Variants in SGMS1 observed in about 807,000 individuals in gnomAD.
SGMS1 encodes sphingomyelin synthase 1.
SGMS1 carries 13 observed loss-of-function variants against 46.2 expected under a neutral mutation model. The observed-to-expected ratio is 0.28, with a 90% CI of 0.18 to 0.45. The LOEUF is 0.45. Ranked by LOEUF, SGMS1 falls within the 20% of genes least tolerant of loss-of-function variation. The pLI, the probability that SGMS1 is intolerant of heterozygous loss-of-function variation, is 1.00. For synonymous variants in SGMS1, 203 were observed against 187.8 expected (o/e 1.08, Z -0.66); for missense variants, 324 against 519.9 (o/e 0.62, Z 3.66).
chr10:50,544,119 T>C (rs532291785), intron 2 of SGMS1, among the ~76,000 whole-genome samples: 41 of 152,350 alleles, frequency 2.7e-4, no homozygotes, highest in African/African-American at 9.4e-4. Flanking sequence ...ACATAGCTTA[T>C]AGGAAGGTAA....
intron 6 of SGMS1, among the ~76,000 whole-genome samples, chr10:50,358,628 G>A (rs989413521): frequency 1.3e-5 from 2 of 152,210 alleles, no homozygotes; most frequent in Non-Finnish European, 2.9e-5. Context: ...GGCAGAGGCT[G>A]CAGTAAGCCG....
intron 1 of SGMS1, among the ~76,000 whole-genome samples, chr10:50,604,836 A>T (rs1348082065): frequency 1.6e-5 from 2 of 128,440 alleles, no homozygotes; most frequent in African/African-American, 5.8e-5. Flanking sequence ...CAAAAAAATG[A>T]CTAAAAAGAT....
intron 1 of SGMS1, among the ~76,000 whole-genome samples, chr10:50,596,026 T>C (rs1035456799): frequency 1.5e-4 from 23 of 152,198 alleles, no homozygotes; most frequent in African/African-American, 5.3e-4. Flanking sequence ...TGCTTGGCAA[T>C]GGCAAGATTA....
At chr10:50,327,392 C>G in intron 7 of SGMS1, 70 bp from the exon 8 acceptor site, 1 of 908,480 alleles carries the variant, frequency 1.1e-6, no homozygotes, top group Non-Finnish European at 1.8e-6. Flanking sequence ...TGTAATTTTT[C>G]AATGACTCAA....
At chr10:50,544,366 T>C (rs1355281282) in intron 2 of SGMS1, among the ~76,000 whole-genome samples, 1 of 152,208 alleles carries the variant, frequency 6.6e-6, no homozygotes, top group Non-Finnish European at 1.5e-5. Context: ...TCCAGAGCTC[T>C]AAACAAGGCA....
chr10:50,387,179 T>C (rs1018466144), intron 6 of SGMS1, among the ~76,000 whole-genome samples: 7 of 152,182 alleles, frequency 4.6e-5, no homozygotes, highest in Non-Finnish European at 8.8e-5. Flanking sequence ...TTAAAATGAG[T>C]TACCACACCT....
At position 50,392,300 on chromosome 10, in the gene SGMS1, T is replaced by G. The variant is rs116180747; in HGVS notation, c.-232+41176A>C. On this transcript the variant is annotated intron_variant, in intron 6 of 10. Coordinates refer to ENST00000361781, the MANE Select transcript of SGMS1 (RefSeq NM_147156.4). ...GTCAAAAGTTTTCTGTCTATGTAAT[T>G]AGAAAAACAAAATAGAATCTAGCTA... Among the ~76,000 whole-genome samples, 1,385 of 152,278 alleles carry G rather than the reference T, an allele frequency of 9.1e-3. 24 individuals are homozygous for G. Among genetic ancestry groups the G allele is most frequent in the African/African-American group, 0.032 (1,310 of 41,530 alleles).
At chr10:50,417,648 G>GT (rs1405865493) in intron 6 of SGMS1, among the ~76,000 whole-genome samples, 2 of 152,156 alleles carry the variant, frequency 1.3e-5, no homozygotes, top group African/African-American at 4.8e-5. Flanking sequence ...CAAAAGGGCT[G>GT]TTTCGTACAG....
chr10:50,350,718 G>A (rs1193006511), intron 6 of SGMS1, among the ~76,000 whole-genome samples: 1 of 152,216 alleles, frequency 6.6e-6, no homozygotes, highest in Admixed American at 6.5e-5. Flanking sequence ...TGTTGAGCCT[G>A]CGGGTGCACA....
At chr10:50,463,121 T>A (rs538473534) in intron 4 of SGMS1, among the ~76,000 whole-genome samples, 51 of 150,278 alleles carry the variant, frequency 3.4e-4, no homozygotes, top group African/African-American at 1.1e-3. Context: ...GACATTGGAG[T>A]TGGCAATGAT....
chr10:50,398,578 G>T (rs988378103), intron 6 of SGMS1, among the ~76,000 whole-genome samples: 3 of 152,130 alleles, frequency 2.0e-5, no homozygotes, highest in South Asian at 4.1e-4. Flanking sequence ...CTCATGGGGG[G>T]AGGTTCTGGT....
intron 1 of SGMS1, among the ~76,000 whole-genome samples, chr10:50,595,497 T>C (rs1409268227): frequency 5.3e-5 from 8 of 152,144 alleles, no homozygotes; most frequent in Non-Finnish European, 1.2e-4. Context: ...TTTCTAATTC[T>C]CTCCACATCT....
At chr10:50,314,641 C>T (rs1847309932) in intron 8 of SGMS1, among the ~76,000 whole-genome samples, 1 of 152,134 alleles carries the variant, frequency 6.6e-6, no homozygotes, top group South Asian at 2.1e-4. Context: ...TAACACTAAT[C>T]ACAAAAGCAA....
chr10:50,621,430 A>C (rs1347438588), intron 1 of SGMS1, among the ~76,000 whole-genome samples: 1 of 152,240 alleles, frequency 6.6e-6, no homozygotes, highest in Non-Finnish European at 1.5e-5. Context: ...CAATGTGCAA[A>C]GGTATTGATG....
intron 5 of SGMS1, among the ~76,000 whole-genome samples, chr10:50,459,347 A>T (rs1475944667): frequency 1.3e-5 from 2 of 152,258 alleles, no homozygotes; most frequent in Non-Finnish European, 2.9e-5. Flanking sequence ...AAATGCCACA[A>T]AATGGGGGGA....
intron 6 of SGMS1, among the ~76,000 whole-genome samples, chr10:50,354,730 G>T (rs187674813): frequency 2.0e-5 from 3 of 152,078 alleles, no homozygotes; most frequent in African/African-American, 7.2e-5. Flanking sequence ...ACAATAAACT[G>T]AAAGACATTT....
chr10:50,446,911 G>C (rs1034427714), intron 5 of SGMS1, among the ~76,000 whole-genome samples: 1 of 152,114 alleles, frequency 6.6e-6, no homozygotes, highest in African/African-American at 2.4e-5. Flanking sequence ...GTCTCTCACA[G>C]GTCAAAAGTG....
At chr10:50,373,347 C>T (rs12360058) in intron 6 of SGMS1, among the ~76,000 whole-genome samples, 18,672 of 152,222 alleles carry the variant, frequency 0.12, 1,273 homozygotes, top group Middle Eastern at 0.21. Flanking sequence ...TAAAATAGAA[C>T]TGCAGGCATC....
chr10:50,602,482 T>G (rs137915311), intron 1 of SGMS1, among the ~76,000 whole-genome samples: 1 of 152,142 alleles, frequency 6.6e-6, no homozygotes, highest in East Asian at 1.9e-4. Context: ...TCTTTTTGTG[T>G]GTTATATCAG....
Sources: gnomAD v4.1 joint callset for allele counts (sites outside exome capture counted in the v4.1 genomes callset) on GRCh38, gnomAD v4.1.1 for gene constraint, MANE v1.5 for transcripts, NCBI Gene and HGNC (gene_info 2026-07-23, HGNC 2026-07-21) for gene names.